The following CAPN9 variants were observed in gnomAD, a reference collection of about 807,000 sequenced individuals.
The protein encoded by CAPN9 is calpain 9, also known as calpain-9.
In CAPN9, 81 loss-of-function variants were observed where a neutral mutation model predicts 92.8. The ratio of observed to expected loss-of-function variants is 0.87; its 90% CI spans 0.73 to 1.05. The LOEUF (loss-of-function observed/expected upper bound fraction) is 1.05, where lower values mean the gene tolerates loss of function less well. CAPN9 is among the 50% of genes least tolerant of loss of function. The probability of loss-of-function intolerance (pLI) is 0.00; values close to 1 mark genes in which losing one functional copy is unlikely to be tolerated. For synonymous variants in CAPN9, 304 were observed against 328.0 expected (o/e 0.93, Z 0.79); for missense variants, 848 against 866.2 (o/e 0.98, Z 0.26).
In CAPN9 at chr1:230,761,065, T is replaced by C. The variant is rs151257049; in HGVS notation, c.402+1435T>C. On this transcript the variant is annotated intron_variant, in intron 3 of 19. Coordinates refer to ENST00000271971, the MANE Select transcript of CAPN9 (RefSeq NM_006615.3). Reference sequence around the variant, plus strand: ...TGGTTGATCCAGGGTCACAAAACAATAAGTAGCCAAGCCAGACCTAGAACT... The same window carrying C: ...TGGTTGATCCAGGGTCACAAAACAACAAGTAGCCAAGCCAGACCTAGAACT... Among the ~76,000 whole-genome samples, 486 of 152,048 alleles carry C rather than the reference T, an allele frequency of 3.2e-3. 6 individuals are homozygous for C. Among genetic ancestry groups the C allele is most frequent in the African/African-American group, 0.011 (463 of 41,470 alleles).
chr1:230,752,805 G>A (rs1023947991), intron 1 of CAPN9: 17 of 617,868 alleles, frequency 2.8e-5, no homozygotes, highest in Non-Finnish European at 3.4e-5. Flanking sequence ...GGGCTTGGGG[G>A]ACTCCTGGGT....
In CAPN9 at chr1:230,767,654, A is replaced by T. The variant is rs757044891; in HGVS notation, c.650A>T (p.Tyr217Phe). 3 of 1,613,844 alleles carry T rather than the reference A, an allele frequency of 1.9e-6. No homozygotes were observed. The Admixed American group carries it at 5.0e-5, about 27-fold the overall frequency. Residue 217 changes from tyrosine to phenylalanine, a missense_variant, in exon 5 of 20, where the codon TAT becomes TTT. By Grantham distance (22) the Tyr-to-Phe change is conservative. Transcript: ENST00000271971. Reference protein sequence around the residue: ...FQTKEAPENFYEILEKALKRG... With the variant: ...FQTKEAPENFFEILEKALKRG... ...ACTAAAGAGGCCCCCGAGAACTTCT[A>T]TGAGATTCTAGAGAAGGCTTTGAAG...
intron 2 of CAPN9, 35 bp downstream of exon 2, chr1:230,755,441 G>C: frequency 6.5e-7 from 1 of 1,545,246 alleles, no homozygotes; most frequent in Non-Finnish European, 8.8e-7. Flanking sequence ...GCGAGAGGGA[G>C]GTTGAGTCAC....
At position 230,780,515 on chromosome 1, in the gene CAPN9, G is replaced by T. The variant is rs750960558; in HGVS notation, c.1288G>T (p.Glu430Ter). Residue 430 changes from glutamate to a stop codon, truncating the protein, a stop_gained, in exon 11 of 20, where the codon GAA becomes TAA. Coordinates refer to ENST00000271971, the MANE Select transcript of CAPN9 (RefSeq NM_006615.3). LOFTEE classifies it high-confidence loss of function. ...CCCATTGCAGTGCCCTGACAAAGAC[G>T]AACACCTGAACAAAGACTTCTTCAG... ...YAIYECPDKD[E>*]HLNKDFFRYH... 1 of 1,613,796 alleles carries T rather than the reference G, an allele frequency of 6.2e-7. No homozygotes were observed. Among genetic ancestry groups the T allele is most frequent in the Non-Finnish European group, 8.5e-7 (1 of 1,179,972 alleles).
At chr1:230,798,077 C>T in intron 18 of CAPN9, 85 bp from the exon 19 acceptor site, 5 of 972,288 alleles carry the variant, frequency 5.1e-6, no homozygotes, top group Middle Eastern at 2.2e-4. Flanking sequence ...ACAGGCTCCA[C>T]TGGAAGGCCC....
chr1:230,747,713 A>G lies in CAPN9; in HGVS notation c.213+4A>G, dbSNP rs773384451. The G allele has an allele frequency of 2.5e-6, 4 of 1,613,392 alleles. No homozygotes were observed. The highest frequency in any genetic ancestry group is 3.4e-6 in the Non-Finnish European group (4 of 1,179,540). On this transcript the variant is annotated splice_donor_region_variant and intron_variant, in intron 1 of 19. Coordinates refer to ENST00000271971, the MANE Select transcript of CAPN9 (RefSeq NM_006615.3). The stretch of plus-strand genomic sequence containing the variant: ...CTTTGTGTGGAAACGACCAGGGGTG[A>G]GTGGGGCGAGCAGGGGAAGGAGCAT...
intron 6 of CAPN9, among the ~76,000 whole-genome samples, chr1:230,770,791 G>A (rs1280946197): frequency 6.6e-6 from 1 of 152,212 alleles, no homozygotes; most frequent in African/African-American, 2.4e-5. Flanking sequence ...CTCAAGCCCA[G>A]TACTTAGAAG....
At chr1:230,775,257 T>C (rs1666681941) in intron 8 of CAPN9, among the ~76,000 whole-genome samples, 1 of 152,072 alleles carries the variant, frequency 6.6e-6, no homozygotes, top group Non-Finnish European at 1.5e-5. Flanking sequence ...TCATCCAGGT[T>C]TACACAGTGA....
At chr1:230,760,871 AC>A (rs1665588280) in intron 3 of CAPN9, among the ~76,000 whole-genome samples, 1 of 137,620 alleles carries the variant, frequency 7.3e-6, no homozygotes, top group Admixed American at 8.4e-5. Context: ...CAGAACCAGA[AC>A]CAGCAGAACT....
chr1:230,776,499 A>G (rs1197074887), intron 8 of CAPN9: 3 of 152,242 alleles, frequency 2.0e-5, no homozygotes, highest in African/African-American at 7.2e-5. Flanking sequence ...TCAACTGCTA[A>G]CATATTTTAG....
chr1:230,780,076 ATGTGCG>A (rs1667099490), intron 9 of CAPN9, 97 bp from the exon 10 acceptor site: 16 of 758,288 alleles, frequency 2.1e-5, no homozygotes, highest in South Asian at 7.4e-5. Context: ...AGATAGGTGT[ATGTGCG>A]TGTGTGTGTG....
At chr1:230,775,874 A>G (rs908274741) in intron 8 of CAPN9, among the ~76,000 whole-genome samples, 22 of 150,716 alleles carry the variant, frequency 1.5e-4, no homozygotes, top group African/African-American at 5.1e-4. Flanking sequence ...CCGAGATTGC[A>G]TCACTGCACT....
chr1:230,800,308 AAAAAC>A (rs1397802017), intron 19 of CAPN9, among the ~76,000 whole-genome samples: 3 of 70,746 alleles, frequency 4.2e-5, no homozygotes, highest in Non-Finnish European at 8.8e-5. Flanking sequence ...GAAAGAAAGG[AAAAAC>A]AAGAGAGACC....
intron 1 of CAPN9, among the ~76,000 whole-genome samples, chr1:230,748,696 A>G (rs1487079904): frequency 6.6e-6 from 1 of 152,160 alleles, no homozygotes; most frequent in African/African-American, 2.4e-5. Flanking sequence ...TGATACTATT[A>G]TTATCATCAT....
chr1:230,788,675 C>T (rs1667772110), intron 13 of CAPN9, among the ~76,000 whole-genome samples: 1 of 152,084 alleles, frequency 6.6e-6, no homozygotes, highest in Non-Finnish European at 1.5e-5. Context: ...AAAATGGGGG[C>T]TCATGTGACT....
At position 230,762,647 on chromosome 1, in the gene CAPN9, C is replaced by T. The variant is rs766658436; in HGVS notation, c.403-6C>T. On this transcript the variant is annotated splice_polypyrimidine_tract_variant and splice_region_variant and intron_variant, in intron 3 of 19. Transcript: ENST00000271971. ...GCATCATTTCTGTCTTTTTCCTGGG[C>T]AACAGTTCTGGCAGCACAGTGAGTG... 2 of 1,612,810 alleles carry T rather than the reference C, an allele frequency of 1.2e-6. No homozygotes were observed. The highest frequency in any genetic ancestry group is 1.7e-6 in the Non-Finnish European group (2 of 1,179,524).
chr1:230,773,199 C>T (rs1666503965), intron 7 of CAPN9, among the ~76,000 whole-genome samples: 1 of 152,148 alleles, frequency 6.6e-6, no homozygotes, highest in South Asian at 2.1e-4. Context: ...TCCAGGCTGT[C>T]ATTGTCCCCA....
intron 5 of CAPN9, among the ~76,000 whole-genome samples, chr1:230,768,544 G>GTTT (rs34574106): frequency 6.9e-6 from 1 of 144,202 alleles, no homozygotes. Flanking sequence ...TCTGAAATTT[G>GTTT]TTTTTTTTTT....
chr1:230,747,747 C>A, intron 1 of CAPN9, 38 bp downstream of exon 1: 1 of 1,590,836 alleles, frequency 6.3e-7, no homozygotes, highest in Non-Finnish European at 8.6e-7. Flanking sequence ...ATAGATGAGG[C>A]CGAGGTTCAG....
Sources: gnomAD v4.1 joint callset for allele counts (sites outside exome capture counted in the v4.1 genomes callset) on GRCh38, gnomAD v4.1.1 for gene constraint, MANE v1.5 for transcripts, NCBI Gene and HGNC (gene_info 2026-07-23, HGNC 2026-07-21) for gene names.